Variants in STX18 observed in about 807,000 individuals in gnomAD.
The protein encoded by STX18 is syntaxin-18.
Under a neutral mutation model 50.1 loss-of-function variants are expected in STX18, and 40 were observed. The ratio of observed to expected loss-of-function variants is 0.80; its 90% CI spans 0.62 to 1.04. The LOEUF (loss-of-function observed/expected upper bound fraction) is 1.04, where lower values mean the gene tolerates loss of function less well. Among genes scored for constraint, STX18 ranks in the 50% least tolerant of loss-of-function variants. The pLI is 0.00. For synonymous variants in STX18, 158 were observed against 151.8 expected (o/e 1.04, Z -0.30); for missense variants, 410 against 415.8 (o/e 0.99, Z 0.12).
At chr4:4,469,836 G>T (rs1727822783) in intron 2 of STX18, among the ~76,000 whole-genome samples, 1 of 152,094 alleles carries the variant, frequency 6.6e-6, no homozygotes, top group South Asian at 2.1e-4. Context: ...TGGAAAGAAG[G>T]TGATGAGGTG....
At chr4:4,522,274 T>G (rs1032848775) in intron 1 of STX18, among the ~76,000 whole-genome samples, 1 of 152,216 alleles carries the variant, frequency 6.6e-6, no homozygotes, top group Non-Finnish European at 1.5e-5. Context: ...CAATGAGTGT[T>G]AAGAGACTTA....
chr4:4,498,822 G>A (rs757686025), intron 1 of STX18, among the ~76,000 whole-genome samples: 1 of 152,124 alleles, frequency 6.6e-6, no homozygotes, highest in Non-Finnish European at 1.5e-5. Context: ...TGTGGACAAC[G>A]AAAGAAACTA....
chr4:4,487,718 C>T (rs1397602819), intron 1 of STX18, among the ~76,000 whole-genome samples: 3 of 152,200 alleles, frequency 2.0e-5, no homozygotes, highest in Non-Finnish European at 4.4e-5. Context: ...AAAGCATTTG[C>T]TAAATGTCAG....
At chr4:4,424,359 C>A (rs1354081883) in intron 8 of STX18, among the ~76,000 whole-genome samples, 1 of 152,002 alleles carries the variant, frequency 6.6e-6, no homozygotes, top group Non-Finnish European at 1.5e-5. Flanking sequence ...AGTGATGAAT[C>A]CCAACAGTAT....
chr4:4,505,617 T>TAA (rs1362339110), intron 1 of STX18, among the ~76,000 whole-genome samples: 3 of 133,304 alleles, frequency 2.3e-5, no homozygotes, highest in Non-Finnish European at 3.2e-5. Flanking sequence ...CCATCTCTGC[T>TAA]AAAAATAAAA....
intron 1 of STX18, among the ~76,000 whole-genome samples, chr4:4,492,279 C>T (rs1331822968): frequency 1.3e-5 from 2 of 151,984 alleles, no homozygotes; most frequent in Non-Finnish European, 2.9e-5. Context: ...AACCTTCTTT[C>T]GAACAGAAAG....
intron 1 of STX18, among the ~76,000 whole-genome samples, chr4:4,506,133 A>G (rs1035087100): frequency 6.6e-6 from 1 of 152,224 alleles, no homozygotes; most frequent in Non-Finnish European, 1.5e-5. Context: ...ACATTTGTGT[A>G]CAGGCAGTTT....
chr4:4,535,241 C>A (rs1731276242), intron 1 of STX18, among the ~76,000 whole-genome samples: 1 of 152,162 alleles, frequency 6.6e-6, no homozygotes, highest in African/African-American at 2.4e-5. Context: ...TATGGCCCCA[C>A]AATGCCTGAC....
chr4:4,420,000 T>C lies in STX18; in HGVS notation c.*34A>G, dbSNP rs562952339. The C allele has an allele frequency of 2.6e-6, 4 of 1,565,200 alleles. No homozygotes were observed. Among genetic ancestry groups the C allele is most frequent in the Non-Finnish European group, 2.6e-6 (3 of 1,146,360 alleles). ...AAAGCACGCAGTCTGTGAGTGCCCA[T>C]GAGGACTCTCGTGCTGGGCCCCCGT... On this transcript the variant is annotated 3_prime_UTR_variant, in exon 11 of 11. Coordinates refer to ENST00000306200, the MANE Select transcript of STX18 (RefSeq NM_016930.4).
At chr4:4,489,080 G>A (rs906732063) in intron 1 of STX18, among the ~76,000 whole-genome samples, 2 of 152,082 alleles carry the variant, frequency 1.3e-5, no homozygotes, top group African/African-American at 4.8e-5. Context: ...AAAAACAAAA[G>A]CAAAGGAATG....
In STX18 at chr4:4,428,379, G is replaced by A. The variant is rs181022361; in HGVS notation, c.703-3157C>T. On this transcript the variant is annotated intron_variant, in intron 7 of 10. Coordinates refer to ENST00000306200, the MANE Select transcript of STX18 (RefSeq NM_016930.4). ...CCCCTCACCTTCTAAGCAGTAAGCT[G>A]TTTTGGAGGTCACAATCTCTGGGCG... is the stretch of plus-strand genomic sequence containing the variant. Among the ~76,000 whole-genome samples, 83 of 152,344 alleles carry A rather than the reference G, an allele frequency of 5.4e-4. 1 individual carries two copies. The highest frequency in any genetic ancestry group is 1.0e-3 in the Non-Finnish European group (71 of 68,038).
chr4:4,512,266 C>T (rs146433455), intron 1 of STX18, among the ~76,000 whole-genome samples: 357 of 152,186 alleles, frequency 2.3e-3, no homozygotes, highest in Middle Eastern at 0.014. Context: ...TGGCCACCAA[C>T]AGCTCCCGAG....
rs34563523 is a variant in STX18, at chr4:4,489,391, A to ATTTTT, written c.169-17690_169-17686dup. Among the ~76,000 whole-genome samples, 49 of 51,678 alleles carry ATTTTT rather than the reference A, an allele frequency of 9.5e-4. 15 individuals carry two copies. Among genetic ancestry groups the ATTTTT allele is most frequent in the East Asian group, 4.7e-3 (9 of 1,900 alleles). 33.9% of individuals were successfully genotyped at this position (51,678 alleles called of 152,430 possible). ...AGCACTTCAATACACATGCAAAATA[A>ATTTTT]TTTTTTTTTTTTTTTTTTTTTTTTT... On this transcript the variant is annotated intron_variant, in intron 1 of 10. Coordinates refer to ENST00000306200, the MANE Select transcript of STX18 (RefSeq NM_016930.4).
intron 1 of STX18, among the ~76,000 whole-genome samples, chr4:4,494,716 C>G (rs999768074): frequency 1.3e-5 from 2 of 152,144 alleles, no homozygotes; most frequent in Admixed American, 6.5e-5. Flanking sequence ...AAATGCTTTG[C>G]GCAGGTTACA....
At chr4:4,499,178 C>T (rs1729323506) in intron 1 of STX18, among the ~76,000 whole-genome samples, 1 of 152,174 alleles carries the variant, frequency 6.6e-6, no homozygotes, top group African/African-American at 2.4e-5. Flanking sequence ...TTTATTAATG[C>T]ACAACCCATT....
intron 1 of STX18, among the ~76,000 whole-genome samples, chr4:4,498,113 T>C (rs1292514429): frequency 6.6e-6 from 1 of 152,230 alleles, no homozygotes; most frequent in African/African-American, 2.4e-5. Flanking sequence ...AGTCATCCTT[T>C]TCTAGATAAG....
intron 2 of STX18, among the ~76,000 whole-genome samples, chr4:4,468,283 T>C (rs568402017): frequency 6.6e-6 from 1 of 152,318 alleles, no homozygotes; most frequent in African/African-American, 2.4e-5. Flanking sequence ...CCTTACACCA[T>C]GCACATTTAC....
Position 4,419,904 on chromosome 4 carries a change from G to A in STX18, c.*130C>T. Reference sequence around the variant, plus strand: ...TTTTGGGGAATACGTCTGTCTGTCTGAACTCCTTTCCCTTCAAATGGCACT... The same window carrying A: ...TTTTGGGGAATACGTCTGTCTGTCTAAACTCCTTTCCCTTCAAATGGCACT... On this transcript the variant is annotated 3_prime_UTR_variant, in exon 11 of 11. Coordinates refer to ENST00000306200, the MANE Select transcript of STX18 (RefSeq NM_016930.4). 1 of 759,748 alleles carries A rather than the reference G, an allele frequency of 1.3e-6. No individual in the cohort carries two copies. Among genetic ancestry groups the A allele is most frequent in the Non-Finnish European group, 2.2e-6 (1 of 462,812 alleles). The allele number at this position is 759,748 out of a possible 1,614,324, so 47.1% of individuals were successfully genotyped here. A position where few individuals can be genotyped will look rare whatever the true frequency, so the allele number is the denominator to read the frequency against.
At chr4:4,501,603 T>C (rs1397615833) in intron 1 of STX18, among the ~76,000 whole-genome samples, 2 of 151,930 alleles carry the variant, frequency 1.3e-5, no homozygotes, top group African/African-American at 2.4e-5. Flanking sequence ...GATTCTTATC[T>C]TTTGCTGTGG....
Sources: allele counts gnomAD v4.1 joint callset (sites outside exome capture counted in the v4.1 genomes callset), GRCh38; gene constraint gnomAD v4.1.1; transcripts MANE v1.5; gene names NCBI Gene and HGNC (gene_info 2026-07-23, HGNC 2026-07-21).